The following CTNNA3 variants were observed in gnomAD, a reference collection of about 807,000 sequenced individuals.
CTNNA3 encodes catenin alpha-3.
A neutral mutation model predicts 95.7 loss-of-function variants in CTNNA3; 76 were observed. The observed-to-expected ratio is 0.79, with a 90% confidence interval of 0.66 to 0.96. The LOEUF (loss-of-function observed/expected upper bound fraction) is 0.96. Ranked by LOEUF, CTNNA3 falls within the 40% of genes least tolerant of loss-of-function variation. CTNNA3 has a pLI of 0.00. For synonymous variants in CTNNA3, 431 were observed against 374.4 expected (o/e 1.15, Z -1.74); for missense variants, 1,191 against 1,089.8 (o/e 1.09, Z -1.31).
intron 4 of CTNNA3, among the ~76,000 whole-genome samples, chr10:67,537,960 T>A (rs1159080727): frequency 6.6e-6 from 1 of 151,388 alleles, no homozygotes; most frequent in Non-Finnish European, 1.5e-5. Context: ...CCTAAAAAGC[T>A]ACTTAAACTA....
At chr10:66,424,852 C>T (rs1279448167) in intron 11 of CTNNA3, among the ~76,000 whole-genome samples, 3 of 151,986 alleles carry the variant, frequency 2.0e-5, no homozygotes, top group African/African-American at 7.2e-5. Flanking sequence ...TTTCTGATAG[C>T]ATTGTACTCA....
At chr10:67,582,811 C>A (rs1273164564) in intron 3 of CTNNA3, among the ~76,000 whole-genome samples, 2 of 152,096 alleles carry the variant, frequency 1.3e-5, no homozygotes, top group Non-Finnish European at 2.9e-5. Context: ...TACCATTATA[C>A]AATGGCCTTC....
At chr10:67,583,762 T>G (rs1393566399) in intron 3 of CTNNA3, among the ~76,000 whole-genome samples, 1 of 152,244 alleles carries the variant, frequency 6.6e-6, no homozygotes, top group Non-Finnish European at 1.5e-5. Flanking sequence ...TCATTTCTTT[T>G]CACTCTTTTT....
chr10:66,390,273 T>C (rs1358251178), intron 11 of CTNNA3, among the ~76,000 whole-genome samples: 1 of 152,132 alleles, frequency 6.6e-6, no homozygotes, highest in Non-Finnish European at 1.5e-5. Context: ...AGTGGGACTT[T>C]GAATACATCA....
At chr10:66,642,154 T>G (rs1445289921) in intron 9 of CTNNA3, among the ~76,000 whole-genome samples, 6 of 151,984 alleles carry the variant, frequency 3.9e-5, no homozygotes, top group Admixed American at 3.9e-4. Flanking sequence ...CCCTAACTTC[T>G]CATATGAAAG....
intron 4 of CTNNA3, among the ~76,000 whole-genome samples, chr10:67,536,908 A>C (rs1386637587): frequency 3.9e-5 from 6 of 152,168 alleles, no homozygotes; most frequent in Non-Finnish European, 1.5e-5. Context: ...GAAACAATTT[A>C]GTGATTTTCA....
rs960700492 is a variant in CTNNA3 at position 66,469,295 on chromosome 10, T to C, written c.1531+51322A>G. Among the ~76,000 whole-genome samples the C allele has an allele frequency of 3.9e-5, 6 of 151,950 alleles. No individual in the cohort carries two copies. The East Asian group carries it at 1.2e-3, about 29-fold the overall frequency. Reference sequence around the variant, plus strand: ...ATGAGTGCAGAATATTTGAAAAGCTTGAGATATAAAAGATGAACAGAAGTT... The same window carrying C: ...ATGAGTGCAGAATATTTGAAAAGCTCGAGATATAAAAGATGAACAGAAGTT... On this transcript the variant is annotated intron_variant, in intron 11 of 17. Transcript: ENST00000433211.
At chr10:67,674,994 T>A (rs1319730321) in intron 1 of CTNNA3, among the ~76,000 whole-genome samples, 1 of 152,128 alleles carries the variant, frequency 6.6e-6, no homozygotes, top group Non-Finnish European at 1.5e-5. Flanking sequence ...TTGCCATACA[T>A]TAATATCTAC....
intron 6 of CTNNA3, among the ~76,000 whole-genome samples, chr10:67,204,753 C>T (rs1863815622): frequency 6.6e-6 from 1 of 152,138 alleles, no homozygotes; most frequent in Non-Finnish European, 1.5e-5. Flanking sequence ...GACACAAGGT[C>T]AGCTATGCCA....
At chr10:66,928,856 A>C (rs977121078) in intron 7 of CTNNA3, among the ~76,000 whole-genome samples, 2 of 152,224 alleles carry the variant, frequency 1.3e-5, no homozygotes, top group African/African-American at 2.4e-5. Context: ...CTGGCAAATC[A>C]AGGAAAGAGG....
intron 5 of CTNNA3, among the ~76,000 whole-genome samples, chr10:67,312,997 T>C (rs1840874172): frequency 6.6e-6 from 1 of 152,150 alleles, no homozygotes; most frequent in Non-Finnish European, 1.5e-5. Context: ...ACCCCTACAT[T>C]ACTACCTTCA....
chr10:66,005,467 C>G (rs952361280), intron 15 of CTNNA3, among the ~76,000 whole-genome samples: 6 of 152,094 alleles, frequency 3.9e-5, no homozygotes, highest in African/African-American at 9.7e-5. Flanking sequence ...GTGAAAGGGT[C>G]AGGTTCTTGG....
chr10:66,628,144 C>T (rs191761948), intron 9 of CTNNA3, among the ~76,000 whole-genome samples: 9 of 151,946 alleles, frequency 5.9e-5, no homozygotes, highest in East Asian at 1.9e-4. Flanking sequence ...TTAAATACCC[C>T]GAAAATAGCA....
intron 7 of CTNNA3, among the ~76,000 whole-genome samples, chr10:67,173,813 G>A (rs1862119816): frequency 6.6e-6 from 1 of 152,130 alleles, no homozygotes; most frequent in South Asian, 2.1e-4. Flanking sequence ...AACATATGAG[G>A]AATGCCTAAA....
intron 5 of CTNNA3, among the ~76,000 whole-genome samples, chr10:67,388,332 A>C (rs1231001303): frequency 7.1e-6 from 1 of 141,176 alleles, no homozygotes; most frequent in Non-Finnish European, 1.5e-5. Context: ...GAAATGAATG[A>C]AATGACGTGA....
intron 7 of CTNNA3, among the ~76,000 whole-genome samples, chr10:66,850,076 T>C (rs1385984395): frequency 2.0e-5 from 3 of 152,074 alleles, no homozygotes; most frequent in South Asian, 2.1e-4. Flanking sequence ...CTATGCAAAA[T>C]GCATTTAGCT....
chr10:66,670,330 A>G (rs1846614847), intron 9 of CTNNA3, among the ~76,000 whole-genome samples: 1 of 152,188 alleles, frequency 6.6e-6, no homozygotes, highest in Non-Finnish European at 1.5e-5. Flanking sequence ...TCTTATTTGA[A>G]GGTCTGAGCA....
intron 9 of CTNNA3, among the ~76,000 whole-genome samples, chr10:66,659,733 A>T (rs1846194517): frequency 6.6e-6 from 1 of 152,150 alleles, no homozygotes; most frequent in Admixed American, 6.5e-5. Flanking sequence ...GTGAGGACAC[A>T]GTTAGAAAGT....
At chr10:66,487,958 A>G (rs371783800) in intron 11 of CTNNA3, among the ~76,000 whole-genome samples, 2 of 152,102 alleles carry the variant, frequency 1.3e-5, no homozygotes, top group African/African-American at 4.8e-5. Flanking sequence ...CCGTAAACCA[A>G]CCTCATCCAA....
Sources: allele counts gnomAD v4.1 joint callset (sites outside exome capture counted in the v4.1 genomes callset), GRCh38; gene constraint gnomAD v4.1.1; transcripts MANE v1.5; gene names NCBI Gene and HGNC (gene_info 2026-07-23, HGNC 2026-07-21).